Variants in ADAM12 observed in about 807,000 individuals in gnomAD.
ADAM12 encodes the protein ADAM metallopeptidase domain 12.
In ADAM12, 70 loss-of-function variants were observed where a neutral mutation model predicts 106.4. The ratio of observed to expected loss-of-function variants is 0.66; its 90% CI spans 0.54 to 0.80. ADAM12 has a LOEUF of 0.80. ADAM12 is among the 30% of genes least tolerant of loss of function. The pLI, the probability that ADAM12 is intolerant of heterozygous loss-of-function variation, is 0.00. For synonymous variants in ADAM12, 420 were observed against 433.5 expected (o/e 0.97, Z 0.39); for missense variants, 1,010 against 1,171.9 (o/e 0.86, Z 2.02).
intron 2 of ADAM12, among the ~76,000 whole-genome samples, chr10:126,282,791 T>C (rs1959649664): frequency 1.3e-5 from 2 of 152,128 alleles, no homozygotes; most frequent in Admixed American, 1.3e-4. Flanking sequence ...TGTACATGTC[T>C]CCTACTACAG....
At chr10:126,069,912 G>A (rs1954952838) in intron 12 of ADAM12, among the ~76,000 whole-genome samples, 1 of 152,144 alleles carries the variant, frequency 6.6e-6, no homozygotes, top group Non-Finnish European at 1.5e-5. Flanking sequence ...CAGTGATGTG[G>A]CTGCTGCTGG....
In ADAM12 at chr10:126,182,179, T is replaced by C. The variant is rs964406876; in HGVS notation, c.261-26874A>G. Among the ~76,000 whole-genome samples, 8 of 152,294 alleles carry C rather than the reference T, an allele frequency of 5.3e-5. No homozygotes were observed. In the East Asian group the frequency reaches 5.8e-4, roughly 11 times the overall value. On this transcript the variant is annotated intron_variant, in intron 3 of 22. Transcript: ENST00000448723. Reference sequence around the variant, plus strand: ...GGTGGCTGGTGAGTTTCCTTTGAGATGCCTTGTCAGAATTATATACCAAAA... The same window carrying C: ...GGTGGCTGGTGAGTTTCCTTTGAGACGCCTTGTCAGAATTATATACCAAAA...
intron 3 of ADAM12, among the ~76,000 whole-genome samples, chr10:126,255,647 G>C (rs1958875951): frequency 6.6e-6 from 1 of 152,156 alleles, no homozygotes; most frequent in African/African-American, 2.4e-5. Flanking sequence ...ACTTCCTCCT[G>C]CCCACGGAGG....
intron 3 of ADAM12, among the ~76,000 whole-genome samples, chr10:126,233,256 G>A (rs1958348235): frequency 6.6e-6 from 1 of 152,168 alleles, no homozygotes; most frequent in African/African-American, 2.4e-5. Context: ...TGGAAGAGGT[G>A]GGAGAGGACC....
chr10:126,201,338 T>G (rs1957696435), intron 3 of ADAM12, among the ~76,000 whole-genome samples: 1 of 152,000 alleles, frequency 6.6e-6, no homozygotes, highest in Non-Finnish European at 1.5e-5. Flanking sequence ...GAGAGGAGGC[T>G]GCCATGAGAC....
chr10:126,211,172 A>C (rs190165763), intron 3 of ADAM12, among the ~76,000 whole-genome samples: 1 of 152,286 alleles, frequency 6.6e-6, no homozygotes, highest in Admixed American at 6.5e-5. Context: ...GTGATGCCAT[A>C]GAAAGAATGA....
chr10:126,139,145 A>G (rs1956462430), intron 4 of ADAM12, among the ~76,000 whole-genome samples: 1 of 152,214 alleles, frequency 6.6e-6, no homozygotes, highest in African/African-American at 2.4e-5. Context: ...TATTACACTG[A>G]AGTACAGGTC....
intron 3 of ADAM12, among the ~76,000 whole-genome samples, chr10:126,225,443 G>A (rs1958175031): frequency 1.3e-5 from 2 of 152,170 alleles, no homozygotes; most frequent in South Asian, 2.1e-4. Flanking sequence ...GCACGGGATC[G>A]CACGGCAATT....
chr10:126,047,623 T>A (rs201510574), intron 16 of ADAM12, among the ~76,000 whole-genome samples: 2 of 151,832 alleles, frequency 1.3e-5, no homozygotes, highest in Admixed American at 6.5e-5. Context: ...AGAATGGCTG[T>A]TATTAAAAAG....
intron 11 of ADAM12, among the ~76,000 whole-genome samples, chr10:126,081,612 G>A (rs559764193): frequency 2.6e-5 from 4 of 152,264 alleles, no homozygotes; most frequent in South Asian, 2.1e-4. Context: ...ACTCAAGTCC[G>A]AAGCCTATGT....
intron 16 of ADAM12, 34 bp from the exon 17 acceptor site, chr10:126,046,166 G>A: frequency 6.3e-7 from 1 of 1,589,204 alleles, no homozygotes; most frequent in Non-Finnish European, 8.6e-7. Flanking sequence ...AAATCTCTTA[G>A]TATTTCTCCA....
chr10:126,045,395 G>T (rs933298476), intron 17 of ADAM12, among the ~76,000 whole-genome samples: 1 of 152,152 alleles, frequency 6.6e-6, no homozygotes, highest in Admixed American at 6.5e-5. Flanking sequence ...TTCTGTGTAA[G>T]AATCATTGGC....
intron 1 of ADAM12, 26 bp from the exon 2 acceptor site, chr10:126,330,535 T>C: frequency 6.3e-7 from 1 of 1,589,248 alleles, no homozygotes; most frequent in Non-Finnish European, 8.6e-7. Context: ...AACAGCCCTA[T>C]ATTTCACTCT....
chr10:126,166,977 T>C (rs1422290536), intron 3 of ADAM12, among the ~76,000 whole-genome samples: 1 of 152,212 alleles, frequency 6.6e-6, no homozygotes. Context: ...GTAGATTTAG[T>C]AGGTCAGCTT....
At chr10:126,267,693 C>A (rs1959126255) in intron 3 of ADAM12, among the ~76,000 whole-genome samples, 1 of 152,162 alleles carries the variant, frequency 6.6e-6, no homozygotes, top group African/African-American at 2.4e-5. Flanking sequence ...ATCAGATACT[C>A]ATCCCCTGCT....
intron 3 of ADAM12, among the ~76,000 whole-genome samples, chr10:126,226,906 T>G (rs1478238839): frequency 6.6e-6 from 1 of 152,178 alleles, no homozygotes; most frequent in Non-Finnish European, 1.5e-5. Context: ...AATATGAACA[T>G]ATATACTGGC....
At chr10:126,256,016 A>G (rs947431229) in intron 3 of ADAM12, among the ~76,000 whole-genome samples, 1 of 152,086 alleles carries the variant, frequency 6.6e-6, no homozygotes, top group African/African-American at 2.4e-5. Context: ...CTCGCCCACC[A>G]CGGCTGGTAG....
chr10:126,075,593 T>C (rs1310748318), intron 11 of ADAM12, among the ~76,000 whole-genome samples: 1 of 152,116 alleles, frequency 6.6e-6, no homozygotes, highest in African/African-American at 2.4e-5. Flanking sequence ...ATTGAACTTT[T>C]AGGGACAGTG....
chr10:126,074,514 G>A (rs1373715180), intron 11 of ADAM12, among the ~76,000 whole-genome samples: 1 of 152,178 alleles, frequency 6.6e-6, no homozygotes, highest in Non-Finnish European at 1.5e-5. Flanking sequence ...GAGGAGAACA[G>A]AACAGATCAT....
Sources: allele counts gnomAD v4.1 joint callset (sites outside exome capture counted in the v4.1 genomes callset), GRCh38; gene constraint gnomAD v4.1.1; transcripts MANE v1.5; gene names NCBI Gene and HGNC (gene_info 2026-07-23, HGNC 2026-07-21).